CLBA1: variants seen among roughly 807,000 people sequenced by gnomAD.
The protein encoded by CLBA1 is uncharacterized protein CLBA1.
CLBA1 carries 30 observed loss-of-function variants against 28.8 expected under a neutral mutation model. That is an observed-to-expected ratio of 1.04 (90% CI 0.78 to 1.41). The LOEUF is 1.41. Among genes scored for constraint, CLBA1 ranks in the 40% most tolerant of loss-of-function variants. CLBA1 has a pLI of 0.00. For synonymous variants in CLBA1, 160 were observed against 152.8 expected (o/e 1.05, Z -0.35); for missense variants, 451 against 412.3 (o/e 1.09, Z -0.81).
intron 1 of CLBA1, among the ~76,000 whole-genome samples, chr14:104,987,680 CTG>C (rs907547809): frequency 4.0e-5 from 5 of 123,842 alleles, no homozygotes; most frequent in Non-Finnish European, 6.3e-5. Context: ...TGCAGTGGCA[CTG>C]TGTCGGCTCA....
chr14:104,996,676 G>C (rs1260548634), downstream of CLBA1, among the ~76,000 whole-genome samples: 1 of 152,240 alleles, frequency 6.6e-6, no homozygotes, highest in Non-Finnish European at 1.5e-5. Context: ...GGCCAAAAAG[G>C]ACGGCAGTCC....
chr14:104,996,920 G>T (rs984311393), downstream of CLBA1, among the ~76,000 whole-genome samples: 1 of 152,238 alleles, frequency 6.6e-6, no homozygotes, highest in Non-Finnish European at 1.5e-5. Context: ...TGGAAGGCAC[G>T]TGCCCCTCTG....
At position 104,985,808 on chromosome 14, in the gene CLBA1, C is replaced by T. The variant is rs1351808977; in HGVS notation, c.-624C>T. ...TTGCCAGGCAACGGGGCGGCGCAGG[C>T]AGGAGGGAACGGCTGGTTGCAGGTT... On this transcript the variant is annotated 5_prime_UTR_variant, in exon 1 of 5. Coordinates refer to ENST00000547315, the MANE Select transcript of CLBA1 (RefSeq NM_174891.4). 2 of 296,986 alleles carry T rather than the reference C, an allele frequency of 6.7e-6. No homozygotes were observed. The highest frequency in any genetic ancestry group is 1.4e-5 in the Non-Finnish European group (2 of 143,598). The allele number at this position is 296,986 out of a possible 1,614,324, so 18.4% of individuals were successfully genotyped here.
At chr14:104,997,902 G>A (rs532394724), downstream of CLBA1, among the ~76,000 whole-genome samples, 1 of 152,158 alleles carries the variant, frequency 6.6e-6, no homozygotes, top group African/African-American at 2.4e-5. Context: ...CCAGCTACTT[G>A]GGAGGCTGAG....
In CLBA1 at chr14:104,993,441, T is replaced by A. The variant is rs925310856; in HGVS notation, c.816+377T>A. 1.3e-5 allele frequency: 13 copies of A among 985,298 alleles called. No individual in the cohort carries two copies. In the African/African-American group the frequency reaches 2.1e-4, roughly 16 times the overall value. 61.0% of individuals were successfully genotyped at this position (985,298 alleles called of 1,614,324 possible). A position where few individuals can be genotyped will look rare whatever the true frequency, so the allele number is the denominator to read the frequency against. On this transcript the variant is annotated intron_variant, in intron 4 of 4. Coordinates refer to ENST00000547315, the MANE Select transcript of CLBA1 (RefSeq NM_174891.4). The stretch of plus-strand genomic sequence containing the variant: ...TGGGCCAGGGGATGTTGACTCCGCC[T>A]GGGCAGCTGTCGTGAACGGATCTGA...
downstream of CLBA1, among the ~76,000 whole-genome samples, chr14:105,000,347 C>T (rs1469249964): frequency 2.0e-5 from 3 of 151,592 alleles, no homozygotes; most frequent in Non-Finnish European, 4.4e-5. Flanking sequence ...TGTTAGCTCA[C>T]TGCAAACTCT....
In CLBA1 at chr14:104,985,929, C is replaced by G. The variant is rs1899841288; in HGVS notation, c.-503C>G. On this transcript the variant is annotated 5_prime_UTR_variant, in exon 1 of 5. Coordinates refer to ENST00000547315, the MANE Select transcript of CLBA1 (RefSeq NM_174891.4). ...GTGGGCCAGGCGCTTAGCCGGCCAC[C>G]TCGGGCCCTGTCCAGGCCCAGGCGT... 1 of 159,110 alleles carries G rather than the reference C, an allele frequency of 6.3e-6. No homozygotes were observed. The highest frequency in any genetic ancestry group is 1.2e-5 in the Non-Finnish European group (1 of 81,704). 9.9% of individuals were successfully genotyped at this position (159,110 alleles called of 1,614,324 possible). A position where few individuals can be genotyped will look rare whatever the true frequency, so the allele number is the denominator to read the frequency against.
At chr14:104,989,121 C>G in intron 2 of CLBA1, 33 bp downstream of exon 2, 1 of 1,594,250 alleles carries the variant, frequency 6.3e-7, no homozygotes, top group Non-Finnish European at 8.6e-7. Context: ...CTTACAGCAA[C>G]TGCTTTTGTA....
At chr14:104,991,383 G>A (rs1002836649) in intron 2 of CLBA1, 108 bp from the exon 3 acceptor site, 14 of 1,382,576 alleles carry the variant, frequency 1.0e-5, no homozygotes, top group South Asian at 2.4e-5. Context: ...TGCGCGTCTC[G>A]GCTTGCGGGT....
At chr14:104,999,722 A>G (rs79845533), downstream of CLBA1, among the ~76,000 whole-genome samples, 1,036 of 152,400 alleles carry the variant, frequency 6.8e-3, 16 homozygotes, top group South Asian at 0.026. Context: ...CAGTGGGTCC[A>G]TAGAGGTCAC....
chr14:104,991,666 C>T (rs1028119087), intron 3 of CLBA1, 46 bp downstream of exon 3: 81 of 1,565,852 alleles, frequency 5.2e-5, no homozygotes, highest in Non-Finnish European at 6.7e-5. Flanking sequence ...TGTGGTTGAA[C>T]TTCACTGTCA....
At chr14:104,999,320 C>A, downstream of CLBA1, 1 of 836,978 alleles carries the variant, frequency 1.2e-6, no homozygotes, top group Non-Finnish European at 1.4e-6. Context: ...GATAACTGAG[C>A]CGTCAGCCAC....
Position 104,985,878 on chromosome 14 carries a change from G to A in CLBA1, c.-554G>A. ...GCGGCCCCGCCGAGGCGGCGACCAAGGTGGGTGCGGGGACTCTCGGGAGCC... is the reference window on the plus strand; with the variant it reads ...GCGGCCCCGCCGAGGCGGCGACCAAAGTGGGTGCGGGGACTCTCGGGAGCC... On this transcript the variant is annotated 5_prime_UTR_variant, in exon 1 of 5. Coordinates refer to ENST00000547315, the MANE Select transcript of CLBA1 (RefSeq NM_174891.4). The A allele has an allele frequency of 6.4e-6, 1 of 157,322 alleles. No homozygotes were observed. The highest frequency in any genetic ancestry group is 3.6e-5 in the South Asian group (1 of 27,894). 9.7% of individuals were successfully genotyped at this position (157,322 alleles called of 1,614,324 possible). A position where few individuals can be genotyped will look rare whatever the true frequency, so the allele number is the denominator to read the frequency against.
At chr14:104,996,349 G>A (rs768028662), downstream of CLBA1, among the ~76,000 whole-genome samples, 1 of 152,214 alleles carries the variant, frequency 6.6e-6, no homozygotes, top group South Asian at 2.1e-4. Context: ...GTCCACTAGT[G>A]CGGCTGCCAA....
At chr14:104,993,544 C>G (rs769271808) in intron 4 of CLBA1, 12 of 985,430 alleles carry the variant, frequency 1.2e-5, no homozygotes, top group Non-Finnish European at 1.4e-5. Flanking sequence ...GCGGTTCTTG[C>G]CACAGAGTCA....
At position 104,991,265 on chromosome 14, in the gene CLBA1, C is replaced by T. The variant is rs1041565445; in HGVS notation, c.570-226C>T. 1.3e-5 allele frequency: 5 copies of T among 396,776 alleles called. 1 individual carries two copies. The highest frequency in any genetic ancestry group is 4.6e-5 in the South Asian group (2 of 43,720). 24.6% of individuals were successfully genotyped at this position (396,776 alleles called of 1,614,324 possible). On this transcript the variant is annotated intron_variant, in intron 2 of 4. Transcript: ENST00000547315. ...GATCTTGAACTCCTGACCTCCTGAT[C>T]TGTCAGCCTCAGCCTCCCAAAGTGC... is the stretch of plus-strand genomic sequence containing the variant.
Position 104,994,685 on chromosome 14 carries a change from A to G in CLBA1, c.904A>G (p.Ile302Val), listed in dbSNP as rs1249660623. ...KTPSCGGGQH[I>V]TIPRKRMFTP... ...CCCCTCATGCGGAGGTGGCCAGCACATCACTATTCCAAGGAAAAGGATGTT... is the reference window on the plus strand; with the variant it reads ...CCCCTCATGCGGAGGTGGCCAGCACGTCACTATTCCAAGGAAAAGGATGTT... The change falls in exon 5 of 5, where the codon ATC (isoleucine) becomes GTC (valine). Residue 302 changes from isoleucine to valine, a missense_variant. Physicochemically the swap from Ile to Val is conservative, Grantham distance 29. Transcript: ENST00000547315. 20 of 1,613,970 alleles carry G rather than the reference A, an allele frequency of 1.2e-5. No individual in the cohort carries two copies. The highest frequency in any genetic ancestry group is 1.5e-5 in the Non-Finnish European group (18 of 1,179,980).
chr14:104,993,749 C>T (rs1900100334), intron 4 of CLBA1: 1 of 985,342 alleles, frequency 1.0e-6, no homozygotes, highest in South Asian at 4.7e-5. Context: ...CCTGCTCACC[C>T]TGGAGACCCA....
At chr14:104,993,923 G>C (rs1389893071) in intron 4 of CLBA1, 2 of 985,322 alleles carry the variant, frequency 2.0e-6, no homozygotes, top group African/African-American at 3.5e-5. Context: ...AGCTGGGACA[G>C]CAGGAAGGTT....
Sources: gnomAD v4.1 joint callset for allele counts (sites outside exome capture counted in the v4.1 genomes callset) on GRCh38, gnomAD v4.1.1 for gene constraint, MANE v1.5 for transcripts, NCBI Gene and HGNC (gene_info 2026-07-23, HGNC 2026-07-21) for gene names.